The following CORO1C variants were observed in gnomAD, a reference collection of about 807,000 sequenced individuals.
CORO1C encodes the protein coronin 1C.
CORO1C carries 14 observed loss-of-function variants against 51.2 expected under a neutral mutation model. The ratio of observed to expected loss-of-function variants is 0.27; its 90% CI spans 0.18 to 0.43. The LOEUF (loss-of-function observed/expected upper bound fraction) is 0.43, where lower values mean the gene tolerates loss of function less well. Ranked by LOEUF, CORO1C falls within the 20% of genes least tolerant of loss-of-function variation. The pLI is 1.00. For synonymous variants in CORO1C, 181 were observed against 210.5 expected, an observed-to-expected ratio of 0.86 and a Z score of 1.21; for missense variants, 417 against 607.8, an observed-to-expected ratio of 0.69 and a Z score of 3.30.
chr12:108,678,665 C>A (rs2033997382), intron 2 of CORO1C, among the ~76,000 whole-genome samples: 1 of 140,062 alleles, frequency 7.1e-6, no homozygotes, highest in African/African-American at 2.7e-5. Context: ...GTCTTTTTGC[C>A]AAAATACAAT....
chr12:108,661,744 T>C (rs1367742682), intron 4 of CORO1C, among the ~76,000 whole-genome samples: 1 of 151,964 alleles, frequency 6.6e-6, no homozygotes. Flanking sequence ...AAAACTATGG[T>C]TCATGGAGGG....
chr12:108,666,997 T>C (rs1280232383), intron 3 of CORO1C, among the ~76,000 whole-genome samples: 1 of 151,700 alleles, frequency 6.6e-6, no homozygotes, highest in Non-Finnish European at 1.5e-5. Context: ...AGTTGTAAAA[T>C]AGGCCACACT....
At chr12:108,668,951 A>G (rs565579746) in intron 3 of CORO1C, among the ~76,000 whole-genome samples, 6 of 152,360 alleles carry the variant, frequency 3.9e-5, no homozygotes, top group African/African-American at 1.2e-4. Context: ...GCTGAAGAAA[A>G]GAACTCACAG....
At chr12:108,705,917 T>A (rs2136870246) in intron 1 of CORO1C, among the ~76,000 whole-genome samples, 1 of 152,192 alleles carries the variant, frequency 6.6e-6, no homozygotes, top group East Asian at 1.9e-4. Flanking sequence ...CTGGGCATGG[T>A]GGCTCATGCC....
chr12:108,700,217 G>A (rs2034823812), intron 2 of CORO1C, among the ~76,000 whole-genome samples: 1 of 152,086 alleles, frequency 6.6e-6, no homozygotes, highest in African/African-American at 2.4e-5. Context: ...CCCAACATCT[G>A]CATCCTCACC....
At chr12:108,687,439 A>C (rs2034333531) in intron 2 of CORO1C, among the ~76,000 whole-genome samples, 1 of 151,986 alleles carries the variant, frequency 6.6e-6, no homozygotes, top group African/African-American at 2.4e-5. Flanking sequence ...GTGAACTATG[A>C]TCGCGCCACT....
intron 1 of CORO1C, among the ~76,000 whole-genome samples, chr12:108,706,489 T>C (rs1321720589): frequency 6.6e-6 from 1 of 152,182 alleles, no homozygotes; most frequent in Non-Finnish European, 1.5e-5. Context: ...GAAGTAAAAC[T>C]ATTTCTGTGT....
At chr12:108,652,845 T>TCACAGACGTAAGGGCACCA (rs57173285) in intron 7 of CORO1C, among the ~76,000 whole-genome samples, 2 of 151,918 alleles carry the variant, frequency 1.3e-5, no homozygotes, top group African/African-American at 4.8e-5. Context: ...GCAATGCTGT[T>TCACAGACGTAAGGGCACCA]ATGCCAGTAT....
At chr12:108,727,905 A>G (rs540322805) in intron 1 of CORO1C, among the ~76,000 whole-genome samples, 6 of 152,332 alleles carry the variant, frequency 3.9e-5, no homozygotes, top group African/African-American at 1.4e-4. Context: ...TAAAAAGACA[A>G]CCCATTAAAA....
chr12:108,716,295 C>A (rs1041165598), intron 1 of CORO1C, among the ~76,000 whole-genome samples: 1 of 151,826 alleles, frequency 6.6e-6, no homozygotes, highest in Admixed American at 6.6e-5. Context: ...ATGGAGTAGA[C>A]AATAAAATTT....
rs1346681223 is a variant in CORO1C at position 108,658,851 on chromosome 12, G to A, written c.517C>T (p.His173Tyr). ...GEALINLDDM[H>Y]SDMIYNVSWN... ...CTCACATTGTAAATCATGTCTGAAT[G>A]CATATCGTCCAAGTTTATAAGGGCT... Residue 173 changes from histidine to tyrosine, a missense_variant, in exon 5 of 11, where the codon CAT becomes TAT. By Grantham distance (83) the His-to-Tyr change is moderately conservative (BLOSUM62 2). Transcript: ENST00000261401. This position sits in a 1 kb window ranked among gnomAD's most constrained non-coding sequence, Gnocchi z 4.9. 2 of 1,613,682 alleles carry A rather than the reference G, an allele frequency of 1.2e-6. No individual in the cohort carries two copies. Among genetic ancestry groups the A allele is most frequent in the Admixed American group, 1.7e-5 (1 of 59,994 alleles).
intron 1 of CORO1C, chr12:108,703,034 G>C: frequency 7.9e-7 from 1 of 1,272,934 alleles, no homozygotes; most frequent in Non-Finnish European, 1.1e-6. Flanking sequence ...TCTCAAGCGT[G>C]AGTTAGATAA....
chr12:108,720,912 T>C (rs1379000029), intron 1 of CORO1C, among the ~76,000 whole-genome samples: 3 of 152,176 alleles, frequency 2.0e-5, no homozygotes, highest in Non-Finnish European at 4.4e-5. Flanking sequence ...ATATCACAAG[T>C]GTATCATGCA....
At chr12:108,718,875 A>G (rs1447695407) in intron 1 of CORO1C, among the ~76,000 whole-genome samples, 1 of 152,202 alleles carries the variant, frequency 6.6e-6, no homozygotes, top group Non-Finnish European at 1.5e-5. Flanking sequence ...ACCACCATTC[A>G]ATACCTTTAG....
At chr12:108,702,528 T>C (rs1217940307) in intron 1 of CORO1C, among the ~76,000 whole-genome samples, 5 of 152,218 alleles carry the variant, frequency 3.3e-5, no homozygotes, top group African/African-American at 4.8e-5. Flanking sequence ...AATTTTCCTA[T>C]GTGCTACTGC....
At chr12:108,722,567 T>TA (rs1254866582) in intron 1 of CORO1C, among the ~76,000 whole-genome samples, 1 of 152,248 alleles carries the variant, frequency 6.6e-6, no homozygotes, top group Non-Finnish European at 1.5e-5. Flanking sequence ...TGCTGTGAAT[T>TA]AAACAGATTC....
At chr12:108,710,456 TAAG>T (rs1227454403) in intron 1 of CORO1C, among the ~76,000 whole-genome samples, 1 of 152,186 alleles carries the variant, frequency 6.6e-6, no homozygotes, top group Non-Finnish European at 1.5e-5. Context: ...AAATTTTTAA[TAAG>T]GAGATAACAC....
At position 108,645,776 on chromosome 12, in the gene CORO1C, A is replaced by G. The variant is rs2032328760; in HGVS notation, c.*1627T>C. 1 of 152,236 alleles carries G rather than the reference A, an allele frequency of 6.6e-6. No homozygotes were observed. Among genetic ancestry groups the G allele is most frequent in the Non-Finnish European group, 1.5e-5 (1 of 68,068 alleles). The allele number at this position is 152,236 out of a possible 1,614,324, so 9.4% of individuals were successfully genotyped here. A position where few individuals can be genotyped will look rare whatever the true frequency, so the allele number is the denominator to read the frequency against. On this transcript the variant is annotated 3_prime_UTR_variant, in exon 11 of 11. Coordinates refer to ENST00000261401, the MANE Select transcript of CORO1C (RefSeq NM_014325.4). ...CGTTTCCAGCCAGTCCCATGCCCAC[A>G]CCAGCACGAGCATGTGCAAGAATTC...
chr12:108,711,027 A>T (rs1166412026), intron 1 of CORO1C, among the ~76,000 whole-genome samples: 2 of 152,142 alleles, frequency 1.3e-5, no homozygotes, highest in Non-Finnish European at 2.9e-5. Flanking sequence ...AGGAGAGTGT[A>T]AAGGCATGCT....
Sources: allele counts gnomAD v4.1 joint callset (sites outside exome capture counted in the v4.1 genomes callset), GRCh38; gene constraint gnomAD v4.1.1; non-coding constraint Gnocchi (gnomAD v3.1); transcripts MANE v1.5; gene names NCBI Gene and HGNC (gene_info 2026-07-23, HGNC 2026-07-21).